The following KCTD18 variants were observed in gnomAD, a reference collection of about 807,000 sequenced individuals.
KCTD18 encodes BTB/POZ domain-containing protein KCTD18.
Under a neutral mutation model 30.4 loss-of-function variants are expected in KCTD18, and 22 were observed. The observed-to-expected ratio is 0.72, with a 90% CI of 0.52 to 1.03. KCTD18 has a LOEUF of 1.03. KCTD18 is among the 50% of genes least tolerant of loss of function. The probability of loss-of-function intolerance (pLI) is 0.00; values close to 1 mark genes in which losing one functional copy is unlikely to be tolerated. For missense variants in KCTD18, 529 were observed against 547.6 expected (o/e 0.97, Z 0.34); for synonymous variants, 186 against 209.0 (o/e 0.89, Z 0.95).
chr2:200,497,240 TTGTG>T, intron 5 of KCTD18: 1 of 154,562 alleles, frequency 6.5e-6, no homozygotes, highest in East Asian at 1.9e-4. Flanking sequence ...GCGTACAGGA[TTGTG>T]TTAGGACTAA....
intron 6 of KCTD18, among the ~76,000 whole-genome samples, chr2:200,492,828 T>C (rs1006040302): frequency 9.0e-6 from 1 of 111,234 alleles, no homozygotes; most frequent in African/African-American, 2.9e-5. Flanking sequence ...TAAGTCTAAA[T>C]AGATTTTTTT....
In KCTD18 at chr2:200,498,199, G is replaced by A. The variant is rs143968917; in HGVS notation, c.567-352C>T. 2.0e-5 allele frequency among the ~76,000 whole-genome samples: 3 copies of A among 152,114 alleles called. No homozygotes were observed. The East Asian group carries it at 5.8e-4, about 29-fold the overall frequency. ...TCACGTTTCACCAGCATTATGCCAG[G>A]CACTTACACATCTTACATAGAAGCA... On this transcript the variant is annotated intron_variant, in intron 4 of 6. Transcript: ENST00000359878.
rs1364809853 is a variant in KCTD18, at chr2:200,504,921, A to G, written c.199T>C (p.Tyr67His). 10 of 1,614,050 alleles carry G rather than the reference A, an allele frequency of 6.2e-6. No individual in the cohort carries two copies. The highest frequency in any genetic ancestry group is 8.5e-6 in the Non-Finnish European group (10 of 1,180,020). ...VIDRDGRLFK[Y>H]LLDYLHGEVQ... ...TCTCCATGAAGGTAATCCAAAAGGT[A>G]TTTAAATAGACGTCCATCACGGTCA... The change falls in exon 3 of 7, where the codon TAC becomes CAC. Residue 67 changes from tyrosine to histidine, a missense_variant. Physicochemically the swap from Tyr to His is moderately conservative, Grantham distance 83. Transcript: ENST00000359878.
chr2:200,494,814 C>T lies in KCTD18; in HGVS notation c.662-1540G>A, dbSNP rs553729201. The stretch of plus-strand genomic sequence containing the variant: ...ATAATCTGTAGACCACTTCTATCAC[C>T]CCAAAAATTTCCTCATACCCCTTAG... On this transcript the variant is annotated intron_variant, in intron 5 of 6. Transcript: ENST00000359878. Among the ~76,000 whole-genome samples the T allele has an allele frequency of 9.9e-5, 15 of 152,164 alleles. No homozygotes were observed. The South Asian group carries it at 3.1e-3, about 32-fold the overall frequency.
Position 200,489,902 on chromosome 2 carries a change from G to T in KCTD18, c.*198C>A. 1.8e-6 allele frequency: 1 copy of T among 551,832 alleles called. No individual in the cohort carries two copies. Among genetic ancestry groups the T allele is most frequent in the Non-Finnish European group, 3.1e-6 (1 of 323,866 alleles). 34.2% of individuals were successfully genotyped at this position (551,832 alleles called of 1,614,324 possible). A position where few individuals can be genotyped will look rare whatever the true frequency, so the allele number is the denominator to read the frequency against. On this transcript the variant is annotated 3_prime_UTR_variant, in exon 7 of 7. Coordinates refer to ENST00000359878, the MANE Select transcript of KCTD18 (RefSeq NM_152387.4). Reference sequence around the variant, plus strand: ...ACTGCCCATAGACAATCATATAAAAGTTGGGAAAATGAGAAATGGAGCCTT... The same window carrying T: ...ACTGCCCATAGACAATCATATAAAATTTGGGAAAATGAGAAATGGAGCCTT...
chr2:200,502,796 C>T (rs1179859880), intron 3 of KCTD18, among the ~76,000 whole-genome samples: 20 of 152,090 alleles, frequency 1.3e-4, no homozygotes, highest in Admixed American at 9.8e-4. Context: ...TTTGGGAGGC[C>T]GAGGCGGGCA....
intron 5 of KCTD18, among the ~76,000 whole-genome samples, chr2:200,494,171 G>T (rs952037974): frequency 1.2e-4 from 19 of 152,192 alleles, no homozygotes; most frequent in Non-Finnish European, 1.5e-4. Flanking sequence ...TAAATCCATT[G>T]AGACACAAAG....
At position 200,490,550 on chromosome 2, in the gene KCTD18, T is replaced by C; in HGVS notation, c.831A>G (p.Arg277=). ...GGGTACTTGTGGAAGGGCCCAAAAA[T>C]CTAACTGGCTTAGGACCAGTCTTAT... ...VNYKTGPKPV[R]FLGPSTSTQI... Residue 277 remains arginine (R), a synonymous_variant, in exon 7 of 7, where the codon AGA becomes AGG. Coordinates refer to ENST00000359878, the MANE Select transcript of KCTD18 (RefSeq NM_152387.4). 3 of 1,602,248 alleles carry C rather than the reference T, an allele frequency of 1.9e-6. No homozygotes were observed. The highest frequency in any genetic ancestry group is 1.1e-5 in the South Asian group (1 of 91,078).
chr2:200,506,558 A>C (rs1434795162), intron 2 of KCTD18, among the ~76,000 whole-genome samples: 3 of 152,230 alleles, frequency 2.0e-5, no homozygotes. Flanking sequence ...AATCAGCATC[A>C]ATATCATCAC....
intron 2 of KCTD18, among the ~76,000 whole-genome samples, chr2:200,506,314 T>C (rs2030194577): frequency 6.6e-6 from 1 of 152,204 alleles, no homozygotes; most frequent in South Asian, 2.1e-4. Context: ...TTTACAGTTC[T>C]GAAACCCAGT....
intron 3 of KCTD18, among the ~76,000 whole-genome samples, chr2:200,501,380 C>T (rs2088082542): frequency 7.8e-6 from 1 of 128,816 alleles, no homozygotes; most frequent in Non-Finnish European, 1.7e-5. Context: ...TTTTTGCAAC[C>T]TACTCATCTG....
At position 200,508,178 on chromosome 2, in the gene KCTD18, C is replaced by T. The variant is rs552530659; in HGVS notation, c.-75-1087G>A. ...AGTACAGTGGCGCCATCTCGGCTCA[C>T]TCCCGGGTTCAAGCAATTCTCCTGC... On this transcript the variant is annotated intron_variant, in intron 1 of 6. Coordinates refer to ENST00000359878, the MANE Select transcript of KCTD18 (RefSeq NM_152387.4). Among the ~76,000 whole-genome samples the T allele has an allele frequency of 3.9e-5, 6 of 152,314 alleles. No homozygotes were observed. The South Asian group carries it at 1.2e-3, about 32-fold the overall frequency.
At chr2:200,493,079 G>T in intron 6 of KCTD18, 93 bp downstream of exon 6, 1 of 729,162 alleles carries the variant, frequency 1.4e-6, no homozygotes. Flanking sequence ...GCTTAGTAAG[G>T]TCAAGAATTA....
rs940614305 is a variant in KCTD18 at position 200,504,739 on chromosome 2, T to C, written c.372+9A>G. On this transcript the variant is annotated intron_variant, in intron 3 of 6. Transcript: ENST00000359878. ...ATATATATTCAAAAACTTAAAAAAA[T>C]GCCAAGACCTTTTTAAGTTCTATAT... 1.1e-5 allele frequency: 17 copies of C among 1,600,724 alleles called. No individual in the cohort carries two copies. Among genetic ancestry groups the C allele is most frequent in the Non-Finnish European group, 1.5e-5 (17 of 1,171,008 alleles).
intron 6 of KCTD18, among the ~76,000 whole-genome samples, chr2:200,492,876 T>C (rs936464705): frequency 7.9e-5 from 12 of 151,784 alleles, no homozygotes; most frequent in Admixed American, 6.6e-5. Context: ...TCCACTTCTG[T>C]GGAGCAAAAA....
chr2:200,490,328 G>A lies in KCTD18; in HGVS notation c.1053C>T (p.Ser351=), dbSNP rs749784775. Reference sequence around the variant, plus strand: ...GTAAGTGCGTGCCTCCATTTTCAGCGCTCGCAGCCCCAGGGGAAGCCTGAG... The same window carrying A: ...GTAAGTGCGTGCCTCCATTTTCAGCACTCGCAGCCCCAGGGGAAGCCTGAG... ...GHPQASPGAA[S]AENGGTHLPP... Residue 351 remains serine, a synonymous_variant, in exon 7 of 7, where the codon AGC becomes AGT. Transcript: ENST00000359878. The A allele has an allele frequency of 3.2e-5, 52 of 1,614,086 alleles. No homozygotes were observed. In the Admixed American group the frequency reaches 6.0e-4, roughly 19 times the overall value.
At position 200,510,013 on chromosome 2, in the gene KCTD18, G is replaced by A. The variant is rs922047026; in HGVS notation, c.-461C>T. 3.3e-5 allele frequency: 5 copies of A among 152,056 alleles called. No homozygotes were observed. The highest frequency in any genetic ancestry group is 1.2e-4 in the African/African-American group (5 of 41,432). 9.4% of individuals were successfully genotyped at this position (152,056 alleles called of 1,614,324 possible). Reference sequence around the variant, plus strand: ...GGTCGGCAGCTTCCCAGACTGACCTGCGGCCCGCCAGACCCTCGGCGCGGC... The same window carrying A: ...GGTCGGCAGCTTCCCAGACTGACCTACGGCCCGCCAGACCCTCGGCGCGGC... On this transcript the variant is annotated 5_prime_UTR_variant, in exon 1 of 7. Transcript: ENST00000359878.
chr2:200,497,598 G>A (rs2088014711), intron 5 of KCTD18, 155 bp downstream of exon 5: 10 of 601,686 alleles, frequency 1.7e-5, no homozygotes, highest in South Asian at 1.7e-4. Context: ...TTAAAGATTT[G>A]TAAGTAAACT....
intron 3 of KCTD18, among the ~76,000 whole-genome samples, chr2:200,502,675 C>T (rs535136396): frequency 1.3e-5 from 2 of 152,280 alleles, no homozygotes; most frequent in Admixed American, 1.3e-4. Context: ...TCCCAGTCCT[C>T]CCAGAGTTTA....
Sources: allele counts gnomAD v4.1 joint callset (sites outside exome capture counted in the v4.1 genomes callset), GRCh38; gene constraint gnomAD v4.1.1; transcripts MANE v1.5; gene names NCBI Gene and HGNC (gene_info 2026-07-23, HGNC 2026-07-21).